MYO15B: variants seen among roughly 807,000 people sequenced by gnomAD.
MYO15B encodes the protein myosin XVB, also known as myosin XVB pseudogene.
MYO15B carries 207 observed loss-of-function variants against 119.3 expected under a neutral mutation model. The ratio of observed to expected loss-of-function variants is 1.73; its 90% CI spans 1.55 to 1.95. The LOEUF (loss-of-function observed/expected upper bound fraction) is 1.95. Ranked by LOEUF, MYO15B falls within the 30% of genes most tolerant of loss-of-function variation. The pLI is 0.00. For missense variants in MYO15B, 2,264 were observed against 1,203.1 expected, an observed-to-expected ratio of 1.88 and a Z score of -13.04; for synonymous variants, 966 against 498.9, an observed-to-expected ratio of 1.94 and a Z score of -12.48.
exon 21 of MYO15B, chr17:75,605,959 C>T (rs756139988): frequency 2.7e-5 from 19 of 702,644 alleles, no homozygotes; most frequent in Non-Finnish European, 1.3e-5. Flanking sequence ...GCTTCCACAC[C>T]TGCATCTCCC....
At chr17:75,615,267 C>T (rs1407696215) in exon 34 of MYO15B, 2 of 702,694 alleles carry the variant, frequency 2.8e-6, no homozygotes, top group Admixed American at 4.0e-5. Context: ...CAGATGCCTG[C>T]ATACCAGCCA....
Position 75,596,780 on chromosome 17 carries a change from C to T in MYO15B, c.3406C>T (p.Arg1136Trp), listed in dbSNP as rs765568811. Residue 1136 changes from arginine (R) to tryptophan (W), a missense_variant, in exon 14 of 64, where the codon CGG becomes TGG. Physicochemically the swap from Arg to Trp is moderately radical, Grantham distance 101. Coordinates refer to ENST00000645453, the Ensembl canonical transcript of MYO15B. ...CGGCTGTTCCCAGGAGGAGTGTCGG[C>T]GGGAGTTGCTGTCCTGGGTGCCTGT... The T allele has an allele frequency of 4.4e-4, 307 of 699,218 alleles. 2 individuals carry two copies. The highest frequency in any genetic ancestry group is 5.5e-5 in the Non-Finnish European group (21 of 382,938). 43.3% of individuals were successfully genotyped at this position (699,218 alleles called of 1,614,324 possible).
exon 35 of MYO15B, chr17:75,615,552 G>GCTGGCC (rs2058316779): frequency 1.4e-6 from 1 of 701,358 alleles, no homozygotes; most frequent in Non-Finnish European, 2.6e-6. Flanking sequence ...ATGCAGGGCA[G>GCTGGCC]CTGGCCGTCC....
intron 36 of MYO15B, 63 bp downstream of exon 36, chr17:75,615,947 A>G (rs2058346047): frequency 4.9e-6 from 3 of 611,674 alleles, no homozygotes; most frequent in Admixed American, 2.7e-5. Context: ...GGCAGGGGAC[A>G]TGGGCAGGGT....
chr17:75,592,313 C>T lies in MYO15B; in HGVS notation c.2715+12C>T, dbSNP rs1055966076. The T allele has an allele frequency of 4.3e-6, 3 of 702,724 alleles. No homozygotes were observed. The highest frequency in any genetic ancestry group is 3.5e-5 in the African/African-American group (2 of 57,230). 43.5% of individuals were successfully genotyped at this position (702,724 alleles called of 1,614,324 possible). ...GGGTGGTGTTTCAGGTAAAGGCAGCCCTTCTATCCACCCCTGCCCAGTTCC... is the reference window on the plus strand; with the variant it reads ...GGGTGGTGTTTCAGGTAAAGGCAGCTCTTCTATCCACCCCTGCCCAGTTCC... On this transcript the variant is annotated intron_variant, in intron 7 of 63. Transcript: ENST00000645453.
At chr17:75,622,050 T>C in exon 53 of MYO15B, 1 of 702,898 alleles carries the variant, frequency 1.4e-6, no homozygotes, top group South Asian at 1.5e-5. Flanking sequence ...GGGGCAAGGA[T>C]GAGATGGATC....
rs142065854 is a variant in MYO15B at position 75,611,933 on chromosome 17, G to C, written c.4552G>C (p.Glu1518Gln). Residue 1518 changes from glutamate to glutamine, a missense_variant, in exon 25 of 64, where the codon GAG (glutamate) becomes CAG (glutamine). By Grantham distance (29) the Glu-to-Gln change is conservative. Coordinates refer to ENST00000645453, the Ensembl canonical transcript of MYO15B. ...GAGCATCACCGAGTGCCTGCCGCCT[G>C]AGGTTCCTGCCCGGCCCAGCCTGAC... 232 of 702,992 alleles carry C rather than the reference G, an allele frequency of 3.3e-4. 2 individuals carry two copies. The East Asian group carries it at 6.2e-3, about 19-fold the overall frequency. 43.5% of individuals were successfully genotyped at this position (702,992 alleles called of 1,614,324 possible).
intron 53 of MYO15B, among the ~76,000 whole-genome samples, chr17:75,623,239 G>A (rs1451118351): frequency 2.0e-5 from 3 of 152,102 alleles, no homozygotes; most frequent in African/African-American, 7.2e-5. Flanking sequence ...CAGGAGAATC[G>A]CTAGAACCCA....
chr17:75,594,485 A>C, exon 10 of MYO15B: 1 of 605,430 alleles, frequency 1.7e-6, no homozygotes, highest in Non-Finnish European at 3.0e-6. Flanking sequence ...CGAGAGTCCC[A>C]GGAGGTGGCT....
chr17:75,605,148 AC>A lies in MYO15B; in HGVS notation c.4017-354del, dbSNP rs1386186992. Reference sequence around the variant, plus strand: ...ATGAAACTCTGTCTCAAAAAAAAAAACCAAAAAGGCCGGGCGCAGTGGCTCA... The same window carrying A: ...ATGAAACTCTGTCTCAAAAAAAAAAACAAAAAGGCCGGGCGCAGTGGCTCA... On this transcript the variant is annotated intron_variant, in intron 19 of 63. Transcript: ENST00000645453. Among the ~76,000 whole-genome samples, 152 of 143,220 alleles carry A rather than the reference AC, an allele frequency of 1.1e-3. 1 individual carries two copies. Among genetic ancestry groups the A allele is most frequent in the African/African-American group, 3.8e-3 (145 of 38,446 alleles). The allele number at this position is 143,220 out of a possible 152,430, so 94.0% of individuals were successfully genotyped here. A position where few individuals can be genotyped will look rare whatever the true frequency, so the allele number is the denominator to read the frequency against.
At chr17:75,616,491 C>T (rs552842386) in intron 38 of MYO15B, 33 bp from the exon 39 acceptor site, 27 of 682,816 alleles carry the variant, frequency 4.0e-5, no homozygotes, top group Admixed American at 3.1e-4. Context: ...TGGCTCTGCA[C>T]GCGGTTAACA....
At chr17:75,624,603 G>A (rs1038973610) in exon 58 of MYO15B, 9 of 702,916 alleles carry the variant, frequency 1.3e-5, no homozygotes, top group African/African-American at 1.2e-4. Flanking sequence ...GCCTCAGGAA[G>A]TGCAGGAATT....
At chr17:75,620,852 T>C in intron 49 of MYO15B, 179 bp from the exon 50 acceptor site, 1 of 701,854 alleles carries the variant, frequency 1.4e-6, no homozygotes, top group South Asian at 1.5e-5. Flanking sequence ...GCTGCTCTTG[T>C]GTCCCACGTG....
intron 19 of MYO15B, among the ~76,000 whole-genome samples, chr17:75,605,222 G>A (rs1356632589): frequency 6.6e-6 from 1 of 151,978 alleles, no homozygotes; most frequent in Non-Finnish European, 1.5e-5. Flanking sequence ...CAGATCACGA[G>A]GTCAGGAGAT....
Position 75,589,258 on chromosome 17 carries a change from C to CGTGG in MYO15B, c.1202_1203insTGGG (p.Ala402GlyfsTer31), listed in dbSNP as rs976405516. 26 of 396,714 alleles carry CGTGG rather than the reference C, an allele frequency of 6.6e-5. No individual in the cohort carries two copies. Among genetic ancestry groups the CGTGG allele is most frequent in the African/African-American group, 5.2e-4 (25 of 47,886 alleles). The allele number at this position is 396,714 out of a possible 1,614,324, so 24.6% of individuals were successfully genotyped here. A position where few individuals can be genotyped will look rare whatever the true frequency, so the allele number is the denominator to read the frequency against. On this transcript the variant is annotated frameshift_variant, in exon 1 of 64. Coordinates refer to ENST00000645453, the Ensembl canonical transcript of MYO15B. LOFTEE classifies it high-confidence loss of function. This position sits in a 1 kb window ranked among gnomAD's most constrained non-coding sequence, Gnocchi z 4.2. ...GGGCGAGGGGCAGGGTACCGGGCCA[C>CGTGG]GGGCGAGCGAGGGGTGGGGCCGCCG...
intron 14 of MYO15B, among the ~76,000 whole-genome samples, chr17:75,597,390 G>T (rs920006062): frequency 2.0e-5 from 3 of 152,196 alleles, no homozygotes; most frequent in Non-Finnish European, 4.4e-5. Context: ...TTCAGCGCGC[G>T]TCCACATGCA....
intron 14 of MYO15B, among the ~76,000 whole-genome samples, chr17:75,600,248 C>G (rs868223117): frequency 3.6e-4 from 55 of 151,850 alleles, no homozygotes; most frequent in African/African-American, 1.2e-3. Flanking sequence ...AGGATGGTCT[C>G]GATCTCCTGA....
intron 21 of MYO15B, chr17:75,607,067 G>A (rs2057703552): frequency 2.5e-6 from 1 of 397,872 alleles, no homozygotes; most frequent in Non-Finnish European, 4.4e-6. Flanking sequence ...AGATTCAGAT[G>A]GTAGAGCAGC....
chr17:75,617,853 A>G, exon 42 of MYO15B: 1 of 702,730 alleles, frequency 1.4e-6, no homozygotes, highest in Non-Finnish European at 2.6e-6. Context: ...CCACCCAGCT[A>G]CTCGCGCCCT....
Sources: allele counts gnomAD v4.1 joint callset (sites outside exome capture counted in the v4.1 genomes callset), GRCh38; gene constraint gnomAD v4.1.1; non-coding constraint Gnocchi (gnomAD v3.1); transcripts MANE v1.5; gene names NCBI Gene and HGNC (gene_info 2026-07-23, HGNC 2026-07-21).